The following MCOLN2 variants were observed in gnomAD, a reference collection of about 807,000 sequenced individuals.
MCOLN2 encodes mucolipin-2.
Under a neutral mutation model 67.5 loss-of-function variants are expected in MCOLN2, and 57 were observed. That is an observed-to-expected ratio of 0.84 (90% confidence interval 0.68 to 1.05). The LOEUF is 1.05. Ranked by LOEUF, MCOLN2 falls within the 50% of genes least tolerant of loss-of-function variation. The pLI, the probability that MCOLN2 is intolerant of heterozygous loss-of-function variation, is 0.00. For synonymous variants in MCOLN2, 246 were observed against 233.3 expected (o/e 1.05, Z -0.50); for missense variants, 620 against 678.8 (o/e 0.91, Z 0.96).
At chr1:84,949,954 T>C (rs1245364400) in intron 6 of MCOLN2, among the ~76,000 whole-genome samples, 1 of 152,112 alleles carries the variant, frequency 6.6e-6, no homozygotes, top group Admixed American at 6.5e-5. Context: ...AAACTGGAAA[T>C]GAACAATAAT....
At chr1:84,985,330 T>C (rs561269373) in intron 1 of MCOLN2, among the ~76,000 whole-genome samples, 2 of 152,320 alleles carry the variant, frequency 1.3e-5, no homozygotes, top group Non-Finnish European at 2.9e-5. Flanking sequence ...CAACCTCTTC[T>C]GTCAGTTTCC....
chr1:84,939,436 G>A (rs934370039), intron 9 of MCOLN2, 117 bp downstream of exon 9: 11 of 1,027,886 alleles, frequency 1.1e-5, no homozygotes, highest in African/African-American at 8.2e-5. Flanking sequence ...TTGTGCTGGT[G>A]TGAGAAAAGG....
Position 84,931,411 on chromosome 1 carries a change from A to G in MCOLN2, c.1493T>C (p.Ile498Thr). 3.1e-6 allele frequency: 5 copies of G among 1,597,262 alleles called. No individual in the cohort carries two copies. The highest frequency in any genetic ancestry group is 1.7e-4 in the Middle Eastern group (1 of 6,040). The part of the protein sequence containing the change: ...YSFISLFIYM[I>T]LSLFIALITD... ...AATAAGTGCAATAAAAAGACTGAGAATCATATATATAAAAAGGCTGATGAA... is the reference window on the plus strand; with the variant it reads ...AATAAGTGCAATAAAAAGACTGAGAGTCATATATATAAAAAGGCTGATGAA... Residue 498 changes from isoleucine to threonine, a missense_variant, in exon 12 of 14, where the codon ATT (isoleucine) becomes ACT (threonine). Ile to Thr is a moderately conservative substitution (Grantham distance 89). Transcript: ENST00000370608.
intron 13 of MCOLN2, among the ~76,000 whole-genome samples, chr1:84,928,470 T>G (rs1296850477): frequency 6.6e-6 from 1 of 152,198 alleles, no homozygotes; most frequent in Non-Finnish European, 1.5e-5. Flanking sequence ...GGACTTTGTG[T>G]GGCACAAACC....
intron 4 of MCOLN2, among the ~76,000 whole-genome samples, chr1:84,953,195 G>C (rs974028018): frequency 6.6e-6 from 1 of 152,136 alleles, no homozygotes; most frequent in African/African-American, 2.4e-5. Flanking sequence ...CAAAGGAATA[G>C]CATGTCTGCA....
Position 84,926,513 on chromosome 1 carries a change from AAAAGT to A in MCOLN2, c.*167_*171del. On this transcript the variant is annotated 3_prime_UTR_variant, in exon 14 of 14. Coordinates refer to ENST00000370608, the MANE Select transcript of MCOLN2 (RefSeq NM_153259.4). Reference sequence around the variant, plus strand: ...CTATTCTTTATCATTCAAGTTTATAAAAAGTAAAGCTGGAACTTCAGTCATGGTCA... The same window carrying A: ...CTATTCTTTATCATTCAAGTTTATAAAAAGCTGGAACTTCAGTCATGGTCA... 2.2e-6 allele frequency: 1 copy of A among 449,862 alleles called. No individual in the cohort carries two copies. The highest frequency in any genetic ancestry group is 4.0e-6 in the Non-Finnish European group (1 of 250,154). The allele number at this position is 449,862 out of a possible 1,614,324, so 27.9% of individuals were successfully genotyped here. A position where few individuals can be genotyped will look rare whatever the true frequency, so the allele number is the denominator to read the frequency against.
intron 2 of MCOLN2, among the ~76,000 whole-genome samples, chr1:84,960,441 T>G (rs1649029498): frequency 6.6e-6 from 1 of 152,194 alleles, no homozygotes; most frequent in Admixed American, 6.5e-5. Context: ...AAGTGCTAGC[T>G]TTTCAAAATT....
chr1:84,927,819 T>C (rs996636088), intron 13 of MCOLN2, among the ~76,000 whole-genome samples: 5 of 152,232 alleles, frequency 3.3e-5, no homozygotes, highest in African/African-American at 1.2e-4. Flanking sequence ...GGGGTCTCAC[T>C]ACATTGCCCA....
chr1:84,958,795 C>G, intron 2 of MCOLN2, 93 bp from the exon 3 acceptor site: 1 of 961,788 alleles, frequency 1.0e-6, no homozygotes, highest in Non-Finnish European at 1.5e-6. Flanking sequence ...TACCTATAAA[C>G]ATCAGAAAAT....
At chr1:84,934,489 G>C (rs1337217505) in intron 11 of MCOLN2, among the ~76,000 whole-genome samples, 1 of 152,122 alleles carries the variant, frequency 6.6e-6, no homozygotes, top group Non-Finnish European at 1.5e-5. Flanking sequence ...CTGGTGCCAA[G>C]AATCTCATGC....
intron 1 of MCOLN2, among the ~76,000 whole-genome samples, chr1:84,979,744 C>A (rs1295378450): frequency 2.6e-5 from 4 of 152,110 alleles, no homozygotes; most frequent in Non-Finnish European, 5.9e-5. Context: ...AACTGAAAGC[C>A]TTTCCTCTCA....
intron 11 of MCOLN2, among the ~76,000 whole-genome samples, chr1:84,936,931 G>A (rs943663441): frequency 6.6e-6 from 1 of 152,178 alleles, no homozygotes; most frequent in Non-Finnish European, 1.5e-5. Context: ...GGGTTGTTGT[G>A]GGGAGTAAAT....
intron 1 of MCOLN2, among the ~76,000 whole-genome samples, chr1:84,980,010 G>A (rs1291911291): frequency 6.6e-6 from 1 of 152,120 alleles, no homozygotes; most frequent in Non-Finnish European, 1.5e-5. Context: ...ACAAAAATCA[G>A]TAGCATTTCT....
chr1:84,975,164 C>T (rs1483287205), intron 1 of MCOLN2, among the ~76,000 whole-genome samples: 3 of 152,168 alleles, frequency 2.0e-5, no homozygotes, highest in African/African-American at 7.2e-5. Flanking sequence ...CGCCTGCTAA[C>T]TATAGAGCCC....
At chr1:84,989,011 A>G (rs1417008101) in intron 1 of MCOLN2, among the ~76,000 whole-genome samples, 1 of 152,194 alleles carries the variant, frequency 6.6e-6, no homozygotes, top group Admixed American at 6.5e-5. Context: ...TGGCCACTCT[A>G]TTAATGTGGC....
Position 84,988,132 on chromosome 1 carries a change from G to A in MCOLN2, c.77+8664C>T, listed in dbSNP as rs146359377. Reference sequence around the variant, plus strand: ...AAATGCTTCAGTTGGAATCCTTAGTGCAATCAGTGGCCCAGCTGCAATCCT... The same window carrying A: ...AAATGCTTCAGTTGGAATCCTTAGTACAATCAGTGGCCCAGCTGCAATCCT... On this transcript the variant is annotated intron_variant, in intron 1 of 13. Coordinates refer to ENST00000370608, the MANE Select transcript of MCOLN2 (RefSeq NM_153259.4). Among the ~76,000 whole-genome samples the A allele has an allele frequency of 5.9e-5, 9 of 152,238 alleles. No homozygotes were observed. The East Asian group carries it at 1.5e-3, about 26-fold the overall frequency.
intron 13 of MCOLN2, among the ~76,000 whole-genome samples, chr1:84,928,465 T>C (rs12145036): frequency 0.25 from 37,406 of 152,104 alleles, 4,771 homozygotes; most frequent in South Asian, 0.31. Flanking sequence ...TCCCAGGACT[T>C]TGTGTGGCAC....
chr1:84,961,574 T>C (rs1164472576), intron 2 of MCOLN2, among the ~76,000 whole-genome samples: 2 of 151,994 alleles, frequency 1.3e-5, no homozygotes, highest in Non-Finnish European at 2.9e-5. Flanking sequence ...TTGGGGAAGG[T>C]TGGGAGGAAA....
intron 1 of MCOLN2, among the ~76,000 whole-genome samples, chr1:84,992,408 C>G (rs1019535980): frequency 6.6e-6 from 1 of 152,138 alleles, no homozygotes; most frequent in Non-Finnish European, 1.5e-5. Flanking sequence ...AAAAAAGGGG[C>G]TGAGGCCCAA....
Sources: allele counts gnomAD v4.1 joint callset (sites outside exome capture counted in the v4.1 genomes callset), GRCh38; gene constraint gnomAD v4.1.1; transcripts MANE v1.5; gene names NCBI Gene and HGNC (gene_info 2026-07-23, HGNC 2026-07-21).